Variants in CLCN3 observed in about 807,000 individuals in gnomAD.
CLCN3 encodes the protein Cl-/H+ antiporter 3.
In CLCN3, 16 loss-of-function variants were observed where a neutral mutation model predicts 83.4. The ratio of observed to expected loss-of-function variants is 0.19; its 90% CI spans 0.13 to 0.29. The LOEUF is 0.29. CLCN3 is among the 10% of genes least tolerant of loss of function. The probability of loss-of-function intolerance (pLI) is 1.00; values close to 1 mark genes in which losing one functional copy is unlikely to be tolerated. For synonymous variants in CLCN3, 322 were observed against 346.2 expected (o/e 0.93, Z 0.78); for missense variants, 544 against 1,006.0 (o/e 0.54, Z 6.21).
intron 3 of CLCN3, among the ~76,000 whole-genome samples, chr4:169,686,336 AAAG>A (rs1326800175): frequency 6.6e-6 from 1 of 152,080 alleles, no homozygotes; most frequent in African/African-American, 2.4e-5. Context: ...AAAAAAAAAA[AAAG>A]AAATAGACTG....
intron 9 of CLCN3, among the ~76,000 whole-genome samples, chr4:169,703,658 A>G (rs904469240): frequency 6.9e-6 from 1 of 145,264 alleles, no homozygotes. Context: ...TATCCAGCAT[A>G]TTGTCCTTTT....
At chr4:169,666,891 GTAATGTCCTGAGAAC>G (rs1338584543) in intron 2 of CLCN3, among the ~76,000 whole-genome samples, 2 of 152,156 alleles carry the variant, frequency 1.3e-5, no homozygotes, top group African/African-American at 4.8e-5. Flanking sequence ...ACTAATATAT[GTAATGTCCTGAGAAC>G]AATGTCTGGT....
intron 4 of CLCN3, 49 bp from the exon 5 acceptor site, chr4:169,688,994 C>A: frequency 6.4e-7 from 1 of 1,562,820 alleles, no homozygotes; most frequent in Non-Finnish European, 8.7e-7. Flanking sequence ...GTTCTCGACT[C>A]CCAAAAAATT....
Position 169,687,668 on chromosome 4 carries a change from A to G in CLCN3, c.329A>G (p.Lys110Arg). 6.2e-7 allele frequency: 1 copy of G among 1,608,680 alleles called. No homozygotes were observed. Among genetic ancestry groups the G allele is most frequent in the Non-Finnish European group, 8.5e-7 (1 of 1,176,888 alleles). The stretch of plus-strand genomic sequence containing the variant: ...CATTTCTAATTTCAGATCAACAGCA[A>G]AAAGAAAGAATCAGCATGGGAAATG... ...DRERHRRINS[K>R]KKESAWEMTK... is the part of the protein sequence containing the mutation. The change falls in exon 4 of 13, where the codon AAA becomes AGA. Residue 110 changes from lysine (K) to arginine (R), a missense_variant. This residue lies in a region of CLCN3 where 96 missense variants were observed against 202.1 expected (regional missense o/e 0.48). Transcript: ENST00000513761.
At chr4:169,630,673 G>A (rs1196160354) in intron 1 of CLCN3, among the ~76,000 whole-genome samples, 1 of 151,894 alleles carries the variant, frequency 6.6e-6, no homozygotes. Context: ...TGGAATTACA[G>A]ACACCTGCCA....
intron 2 of CLCN3, among the ~76,000 whole-genome samples, chr4:169,668,043 A>ATTTTTTTTTTT (rs60739106): frequency 6.1e-5 from 5 of 82,336 alleles, no homozygotes; most frequent in South Asian, 4.4e-4. Context: ...CCGGCCAGAC[A>ATTTTTTTTTTT]TTTTTTTTTT....
chr4:169,630,552 A>T (rs1293942118), intron 1 of CLCN3, among the ~76,000 whole-genome samples: 2 of 150,648 alleles, frequency 1.3e-5, no homozygotes, highest in Non-Finnish European at 3.0e-5. Flanking sequence ...TTTTTTTGAG[A>T]CAGAGTCTTG....
intron 8 of CLCN3, among the ~76,000 whole-genome samples, chr4:169,696,676 A>G (rs1732576337): frequency 1.3e-5 from 2 of 152,092 alleles, no homozygotes; most frequent in Admixed American, 6.5e-5. Flanking sequence ...CCCGTTGACT[A>G]ATGTCTCCCC....
intron 9 of CLCN3, 144 bp from the exon 10 acceptor site, chr4:169,703,854 T>C: frequency 1.3e-6 from 1 of 752,784 alleles, no homozygotes; most frequent in Non-Finnish European, 2.1e-6. Flanking sequence ...AAGATTTTGC[T>C]TTAGTTTTAT....
intron 11 of CLCN3, among the ~76,000 whole-genome samples, chr4:169,708,631 A>C (rs1258425279): frequency 6.6e-6 from 1 of 152,208 alleles, no homozygotes; most frequent in African/African-American, 2.4e-5. Flanking sequence ...ATTTACATAG[A>C]AATTTAAGGG....
intron 2 of CLCN3, among the ~76,000 whole-genome samples, chr4:169,647,720 G>A (rs1269086477): frequency 1.3e-5 from 2 of 152,178 alleles, no homozygotes; most frequent in Non-Finnish European, 2.9e-5. Context: ...GAATAAATAT[G>A]AGGCAAAAGA....
chr4:169,679,666 A>G (rs1019338406), intron 2 of CLCN3, among the ~76,000 whole-genome samples: 1 of 152,208 alleles, frequency 6.6e-6, no homozygotes, highest in African/African-American at 2.4e-5. Context: ...AGGCGGGCAG[A>G]TCACTCGAGG....
At chr4:169,702,171 G>C (rs1732813451) in intron 9 of CLCN3, among the ~76,000 whole-genome samples, 1 of 152,126 alleles carries the variant, frequency 6.6e-6, no homozygotes. Context: ...TTTAGAGAGA[G>C]AGCATGAGAG....
intron 2 of CLCN3, among the ~76,000 whole-genome samples, chr4:169,636,577 T>C (rs1773507489): frequency 6.6e-6 from 1 of 152,202 alleles, no homozygotes; most frequent in Non-Finnish European, 1.5e-5. Context: ...ATTCATACTG[T>C]GTACTCTTTT....
At chr4:169,708,512 A>C (rs1433107516) in intron 11 of CLCN3, among the ~76,000 whole-genome samples, 1 of 152,152 alleles carries the variant, frequency 6.6e-6, no homozygotes, top group Non-Finnish European at 1.5e-5. Context: ...TTTTTTAGCC[A>C]TTACCATGGC....
intron 3 of CLCN3, among the ~76,000 whole-genome samples, chr4:169,682,986 T>G (rs1244395937): frequency 6.6e-6 from 1 of 152,266 alleles, no homozygotes; most frequent in Non-Finnish European, 1.5e-5. Context: ...TAGACCGTAC[T>G]TTGAAAATCA....
chr4:169,692,476 T>C (rs1732408872), intron 7 of CLCN3, among the ~76,000 whole-genome samples, 156 bp downstream of exon 7: 1 of 152,172 alleles, frequency 6.6e-6, no homozygotes, highest in Admixed American at 6.6e-5. Context: ...CTATAACATC[T>C]TTCTAGAATC....
intron 11 of CLCN3, among the ~76,000 whole-genome samples, chr4:169,707,496 C>T (rs1733039084): frequency 6.6e-6 from 1 of 151,988 alleles, no homozygotes; most frequent in South Asian, 2.1e-4. Context: ...GGCATTGTAC[C>T]AGAAATTGGA....
intron 11 of CLCN3, among the ~76,000 whole-genome samples, chr4:169,712,585 AAAAG>A (rs1403953633): frequency 6.6e-6 from 1 of 152,226 alleles, no homozygotes; most frequent in Non-Finnish European, 1.5e-5. Flanking sequence ...TGAGAAAAGA[AAAAG>A]AACCAGCTAA....
Sources: allele counts gnomAD v4.1 joint callset (sites outside exome capture counted in the v4.1 genomes callset), GRCh38; gene constraint gnomAD v4.1.1; regional missense constraint gnomAD v4.1.1; transcripts MANE v1.5; gene names NCBI Gene and HGNC (gene_info 2026-07-23, HGNC 2026-07-21).